The following CCDC178 variants were observed in gnomAD, a reference collection of about 807,000 sequenced individuals.
CCDC178 encodes the protein coiled-coil domain containing 178.
In CCDC178, 126 loss-of-function variants were observed where a neutral mutation model predicts 117.4. That is an observed-to-expected ratio of 1.07 (90% confidence interval 0.93 to 1.24). The LOEUF is 1.24. Ranked by LOEUF, CCDC178 falls within the 50% of genes most tolerant of loss-of-function variation. The probability of loss-of-function intolerance (pLI) is 0.00; values close to 1 mark genes in which losing one functional copy is unlikely to be tolerated. For synonymous variants in CCDC178, 283 were observed against 313.4 expected, an observed-to-expected ratio of 0.90 and a Z score of 1.02; for missense variants, 1,030 against 986.9, an observed-to-expected ratio of 1.04 and a Z score of -0.59.
intron 12 of CCDC178, among the ~76,000 whole-genome samples, chr18:33,278,108 T>A (rs1046518425): frequency 6.6e-6 from 1 of 151,888 alleles, no homozygotes; most frequent in South Asian, 2.1e-4. Context: ...TCTCATAATC[T>A]AAATCAAGTA....
chr18:33,165,072 G>A (rs1178584649), intron 20 of CCDC178, among the ~76,000 whole-genome samples: 1 of 152,180 alleles, frequency 6.6e-6, no homozygotes, highest in Non-Finnish European at 1.5e-5. Context: ...CATTTTGGAA[G>A]GACGTCAAGC....
chr18:33,164,832 C>G (rs2058509666), intron 20 of CCDC178, among the ~76,000 whole-genome samples: 1 of 152,130 alleles, frequency 6.6e-6, no homozygotes, highest in Non-Finnish European at 1.5e-5. Flanking sequence ...TACACCCCAA[C>G]TCAGCAAGAG....
intron 14 of CCDC178, among the ~76,000 whole-genome samples, chr18:33,258,435 T>C (rs67292411): frequency 0.067 from 10,231 of 152,212 alleles, 510 homozygotes; most frequent in African/African-American, 0.14. Flanking sequence ...TCAATTCCAA[T>C]GTTAGTTTCT....
At position 32,938,092 on chromosome 18, in the gene CCDC178, C is replaced by T; in HGVS notation, c.2524-1G>A. 2 of 1,610,316 alleles carry T rather than the reference C, an allele frequency of 1.2e-6. No individual in the cohort carries two copies. The highest frequency in any genetic ancestry group is 1.7e-6 in the Non-Finnish European group (2 of 1,176,678). On this transcript the variant is annotated splice_acceptor_variant, in intron 22 of 22. Transcript: ENST00000383096. LOFTEE classifies it high-confidence loss of function. ...GTTGCATTAAATTTGAAGATTCCTC[C>T]TGTTCAGAAGCAAGAAACAAACAAA...
intron 14 of CCDC178, among the ~76,000 whole-genome samples, chr18:33,259,841 G>C (rs1021571008): frequency 2.0e-5 from 3 of 152,044 alleles, no homozygotes; most frequent in Non-Finnish European, 4.4e-5. Flanking sequence ...CATAATGTCT[G>C]CATACAATAT....
chr18:33,422,150 A>T (rs1384778942), intron 2 of CCDC178, among the ~76,000 whole-genome samples: 1 of 152,180 alleles, frequency 6.6e-6, no homozygotes, highest in Non-Finnish European at 1.5e-5. Flanking sequence ...TTTTTAAATT[A>T]TTATCTTACT....
chr18:33,285,105 AAATT>A (rs2060082403), intron 12 of CCDC178, among the ~76,000 whole-genome samples: 1 of 152,272 alleles, frequency 6.6e-6, no homozygotes, highest in Admixed American at 6.5e-5. Context: ...CTTTTTAAAT[AAATT>A]ATTAAAAATT....
chr18:33,339,335 A>C (rs2062783388), intron 9 of CCDC178, among the ~76,000 whole-genome samples: 1 of 151,906 alleles, frequency 6.6e-6, no homozygotes, highest in South Asian at 2.1e-4. Flanking sequence ...AAAATTGACA[A>C]ATCTTTTGCT....
chr18:33,019,793 T>C (rs1365851739), intron 21 of CCDC178, among the ~76,000 whole-genome samples: 1 of 151,988 alleles, frequency 6.6e-6, no homozygotes, highest in African/African-American at 2.4e-5. Context: ...ACGAAGACTC[T>C]TTGTAATAAA....
chr18:33,129,986 G>T (rs1280389040), intron 20 of CCDC178, among the ~76,000 whole-genome samples: 2 of 151,826 alleles, frequency 1.3e-5, no homozygotes, highest in Non-Finnish European at 2.9e-5. Flanking sequence ...AGTACATCAA[G>T]AATTTTAATT....
intron 20 of CCDC178, among the ~76,000 whole-genome samples, chr18:33,158,634 T>C (rs942448516): frequency 3.9e-5 from 6 of 152,072 alleles, no homozygotes; most frequent in African/African-American, 1.4e-4. Flanking sequence ...CAGAATGTGG[T>C]ATCTGAAGGG....
intron 21 of CCDC178, among the ~76,000 whole-genome samples, chr18:33,084,136 T>TATTACA (rs759281947): frequency 7.7e-5 from 11 of 142,320 alleles, no homozygotes; most frequent in Non-Finnish European, 1.4e-4. Flanking sequence ...TGTTACAACA[T>TATTACA]GTTCTTGTAG....
intron 18 of CCDC178, among the ~76,000 whole-genome samples, chr18:33,222,571 T>C (rs2059249656): frequency 1.3e-5 from 2 of 152,040 alleles, no homozygotes; most frequent in African/African-American, 4.8e-5. Context: ...GGGCCTCTCT[T>C]ATAGGGGCAC....
At chr18:32,985,200 A>G (rs917517790) in intron 21 of CCDC178, among the ~76,000 whole-genome samples, 2 of 151,938 alleles carry the variant, frequency 1.3e-5, no homozygotes, top group Non-Finnish European at 2.9e-5. Flanking sequence ...CATTATAAAT[A>G]CCCCCAGCAT....
chr18:33,348,059 A>G (rs1568166502), intron 8 of CCDC178, among the ~76,000 whole-genome samples: 2 of 152,156 alleles, frequency 1.3e-5, no homozygotes, highest in Admixed American at 6.5e-5. Context: ...TTGTTAATAT[A>G]TCTATTTTTT....
In CCDC178 at chr18:33,306,575, T is replaced by C. The variant is rs1010458752; in HGVS notation, c.1023-13263A>G. Among the ~76,000 whole-genome samples, 3 of 147,624 alleles carry C rather than the reference T, an allele frequency of 2.0e-5. No homozygotes were observed. The East Asian group carries it at 5.9e-4, about 29-fold the overall frequency. Reference sequence around the variant, plus strand: ...TATATATATATGGTTATATATAATATATGGTTATATATATGGTTATATATG... The same window carrying C: ...TATATATATATGGTTATATATAATACATGGTTATATATATGGTTATATATG... On this transcript the variant is annotated intron_variant, in intron 11 of 22. Transcript: ENST00000383096.
chr18:33,311,407 C>G (rs201796102), intron 11 of CCDC178, among the ~76,000 whole-genome samples: 2 of 151,894 alleles, frequency 1.3e-5, no homozygotes, highest in Non-Finnish European at 2.9e-5. Context: ...ATAAAAAAGA[C>G]AGAGAGGCCA....
At chr18:33,030,638 AATAG>A (rs933659984) in intron 21 of CCDC178, among the ~76,000 whole-genome samples, 31 of 152,112 alleles carry the variant, frequency 2.0e-4, no homozygotes, top group Middle Eastern at 3.4e-3. Flanking sequence ...ATGATAGATC[AATAG>A]ATAGATAGAT....
At chr18:33,192,706 G>C (rs2058874279) in intron 20 of CCDC178, among the ~76,000 whole-genome samples, 1 of 150,086 alleles carries the variant, frequency 6.7e-6, no homozygotes. Context: ...TTTGAGATCA[G>C]CCTGGCCAAC....
Sources: allele counts gnomAD v4.1 joint callset (sites outside exome capture counted in the v4.1 genomes callset), GRCh38; gene constraint gnomAD v4.1.1; transcripts MANE v1.5; gene names NCBI Gene and HGNC (gene_info 2026-07-23, HGNC 2026-07-21).